CNIH1: variants seen among roughly 807,000 people sequenced by gnomAD.
CNIH1 encodes the protein protein cornichon homolog 1.
In CNIH1, 12 loss-of-function variants were observed where a neutral mutation model predicts 20.2. The observed-to-expected ratio is 0.59, with a 90% confidence interval of 0.38 to 0.96. The LOEUF (loss-of-function observed/expected upper bound fraction) is 0.96. Among genes scored for constraint, CNIH1 ranks in the 40% least tolerant of loss-of-function variants. The pLI, the probability that CNIH1 is intolerant of heterozygous loss-of-function variation, is 0.00. For missense variants in CNIH1, 152 were observed against 178.8 expected (o/e 0.85, Z 0.85); for synonymous variants, 69 against 63.3 (o/e 1.09, Z -0.43).
chr14:54,423,943 T>G lies in CNIH1; in HGVS notation c.*3871A>C, dbSNP rs1566714225. The G allele has an allele frequency of 6.6e-6, 1 of 152,194 alleles. No homozygotes were observed. The highest frequency in any genetic ancestry group is 6.5e-5 in the Admixed American group (1 of 15,278). 9.4% of individuals were successfully genotyped at this position (152,194 alleles called of 1,614,324 possible). On this transcript the variant is annotated 3_prime_UTR_variant, in exon 5 of 5. Coordinates refer to ENST00000216416, the MANE Select transcript of CNIH1 (RefSeq NM_005776.3). Reference sequence around the variant, plus strand: ...CTCCAACCCCAAAGATCTTACATGGTTAATACTATTTTCCAAAATCAGCAG... The same window carrying G: ...CTCCAACCCCAAAGATCTTACATGGGTAATACTATTTTCCAAAATCAGCAG...
rs1298953873 is a variant in CNIH1, at chr14:54,424,862, T to TC, written c.*2951dup. 1 of 152,188 alleles carries TC rather than the reference T, an allele frequency of 6.6e-6. No individual in the cohort carries two copies. The highest frequency in any genetic ancestry group is 2.4e-5 in the African/African-American group (1 of 41,456). 9.4% of individuals were successfully genotyped at this position (152,188 alleles called of 1,614,324 possible). A position where few individuals can be genotyped will look rare whatever the true frequency, so the allele number is the denominator to read the frequency against. On this transcript the variant is annotated 3_prime_UTR_variant, in exon 5 of 5. Transcript: ENST00000216416. ...GTAGGTCTGTCAGTTCATGGTACAA[T>TC]CAGTGAGGCTAGGAAACTATTACTT...
intron 2 of CNIH1, chr14:54,436,039 A>C: frequency 1.4e-6 from 1 of 701,690 alleles, no homozygotes; most frequent in African/African-American, 1.7e-5. Context: ...CCATGAAATG[A>C]ATATAGCATT....
At chr14:54,438,956 T>A (rs1439168865) in intron 1 of CNIH1, among the ~76,000 whole-genome samples, 3 of 152,154 alleles carry the variant, frequency 2.0e-5, no homozygotes, top group Admixed American at 1.3e-4. Context: ...TTTCTCTCAC[T>A]ATGGGATCTC....
chr14:54,436,596 A>G, intron 1 of CNIH1, 159 bp from the exon 2 acceptor site: 1 of 598,206 alleles, frequency 1.7e-6, no homozygotes. Context: ...TGACAAAAAG[A>G]ACCAGAATGC....
intron 1 of CNIH1, among the ~76,000 whole-genome samples, chr14:54,440,851 A>C (rs888419742): frequency 2.0e-5 from 3 of 152,362 alleles, no homozygotes; most frequent in Admixed American, 6.5e-5. Flanking sequence ...CTGTATTAAC[A>C]AAAATTCGGA....
chr14:54,436,665 A>C, intron 1 of CNIH1: 1 of 567,904 alleles, frequency 1.8e-6, no homozygotes, highest in Non-Finnish European at 3.2e-6. Flanking sequence ...TACTGTAATA[A>C]ATACCTTCAA....
rs2030793779 is a variant in CNIH1, at chr14:54,424,770, T to C, written c.*3044A>G. On this transcript the variant is annotated 3_prime_UTR_variant, in exon 5 of 5. Transcript: ENST00000216416. ...CTGAACTGGCTTTAAAAGAGACACA[T>C]ACTGCAAACTGCTGTGTACTTTGTT... The C allele has an allele frequency of 6.6e-6, 1 of 152,184 alleles. No individual in the cohort carries two copies. Among genetic ancestry groups the C allele is most frequent in the South Asian group, 2.1e-4 (1 of 4,832 alleles). The allele number at this position is 152,184 out of a possible 1,614,324, so 9.4% of individuals were successfully genotyped here. A position where few individuals can be genotyped will look rare whatever the true frequency, so the allele number is the denominator to read the frequency against.
At chr14:54,428,370 GA>G (rs2030868177) in intron 4 of CNIH1, among the ~76,000 whole-genome samples, 1 of 152,136 alleles carries the variant, frequency 6.6e-6, no homozygotes, top group Non-Finnish European at 1.5e-5. Flanking sequence ...GAAAAGGGGG[GA>G]AAACAGCAAA....
At chr14:54,428,552 G>A (rs2030871056) in intron 4 of CNIH1, among the ~76,000 whole-genome samples, 1 of 152,160 alleles carries the variant, frequency 6.6e-6, no homozygotes, top group African/African-American at 2.4e-5. Flanking sequence ...AAATGTCCTG[G>A]TGCTACCATA....
chr14:54,440,115 GC>G (rs1594620709), intron 1 of CNIH1, among the ~76,000 whole-genome samples: 2 of 152,194 alleles, frequency 1.3e-5, no homozygotes, highest in East Asian at 3.8e-4. Context: ...TTTGTGATAT[GC>G]TTCCACTTTC....
chr14:54,437,059 T>C (rs1164012470), intron 1 of CNIH1, among the ~76,000 whole-genome samples: 1 of 152,254 alleles, frequency 6.6e-6, no homozygotes, highest in African/African-American at 2.4e-5. Flanking sequence ...AACTCTTCAA[T>C]GTGTTCCCAT....
At chr14:54,441,200 G>C (rs1200173938) in intron 1 of CNIH1, 47 bp downstream of exon 1, 2 of 1,470,872 alleles carry the variant, frequency 1.4e-6, no homozygotes, top group South Asian at 2.6e-5. Flanking sequence ...GGCGAAAAGA[G>C]GCTGTGTTGC....
intron 1 of CNIH1, among the ~76,000 whole-genome samples, chr14:54,439,474 A>G (rs1319576482): frequency 6.6e-6 from 1 of 152,090 alleles, no homozygotes; most frequent in Non-Finnish European, 1.5e-5. Context: ...ATCATCCCAG[A>G]AAAAAGGAAT....
At chr14:54,437,622 A>C (rs2031080667) in intron 1 of CNIH1, among the ~76,000 whole-genome samples, 1 of 152,092 alleles carries the variant, frequency 6.6e-6, no homozygotes, top group African/African-American at 2.4e-5. Context: ...GCACATAGTT[A>C]AGTGTTCAAT....
intron 2 of CNIH1, among the ~76,000 whole-genome samples, chr14:54,435,882 T>C (rs1341386293): frequency 6.6e-6 from 1 of 152,160 alleles, no homozygotes; most frequent in African/African-American, 2.4e-5. Flanking sequence ...AAAAAACGCA[T>C]ACGCATTTAA....
chr14:54,430,673 G>A (rs2030915990), intron 3 of CNIH1, among the ~76,000 whole-genome samples: 1 of 152,142 alleles, frequency 6.6e-6, no homozygotes, highest in Non-Finnish European at 1.5e-5. Flanking sequence ...AAAGAAAATA[G>A]GTGTTTTGTT....
At chr14:54,431,907 T>A (rs547275430) in intron 3 of CNIH1, among the ~76,000 whole-genome samples, 1 of 152,230 alleles carries the variant, frequency 6.6e-6, no homozygotes, top group East Asian at 1.9e-4. Context: ...CTTCACTTTT[T>A]AAAAAAATTC....
At position 54,441,262 on chromosome 14, in the gene CNIH1, G is replaced by A. The variant is rs1398361423; in HGVS notation, c.66C>T (p.Phe22=). ...LALLLTAALI[F]FAIWHIIAFD... is the part of the protein sequence containing the mutation. Reference sequence around the variant, plus strand: ...AGCTACTCACGTGCCAAATGGCGAAGAAGATGAGCGCGGCAGTGAGCAGCA... The same window carrying A: ...AGCTACTCACGTGCCAAATGGCGAAAAAGATGAGCGCGGCAGTGAGCAGCA... The change falls in exon 1 of 5, where the codon TTC becomes TTT. Residue 22 remains phenylalanine, a synonymous_variant. Transcript: ENST00000216416. 2 of 1,518,828 alleles carry A rather than the reference G, an allele frequency of 1.3e-6. No homozygotes were observed. The highest frequency in any genetic ancestry group is 1.2e-5 in the South Asian group (1 of 81,060). 94.1% of individuals were successfully genotyped at this position (1,518,828 alleles called of 1,614,324 possible). A position where few individuals can be genotyped will look rare whatever the true frequency, so the allele number is the denominator to read the frequency against.
intron 2 of CNIH1, among the ~76,000 whole-genome samples, chr14:54,433,934 A>C (rs966471799): frequency 1.3e-5 from 2 of 152,112 alleles, no homozygotes; most frequent in Non-Finnish European, 2.9e-5. Flanking sequence ...TTTACTACCC[A>C]TCTCTCTTAA....
Sources: allele counts gnomAD v4.1 joint callset (sites outside exome capture counted in the v4.1 genomes callset), GRCh38; gene constraint gnomAD v4.1.1; transcripts MANE v1.5; gene names NCBI Gene and HGNC (gene_info 2026-07-23, HGNC 2026-07-21).